BCAR3: variants seen among roughly 807,000 people sequenced by gnomAD.
BCAR3 encodes BCAR3 adaptor protein, NSP family member, also known as breast cancer anti-estrogen resistance protein 3.
A neutral mutation model predicts 80.1 loss-of-function variants in BCAR3; 37 were observed. The ratio of observed to expected loss-of-function variants is 0.46; its 90% CI spans 0.36 to 0.61. The LOEUF (loss-of-function observed/expected upper bound fraction) is 0.61, where lower values mean the gene tolerates loss of function less well. Among genes scored for constraint, BCAR3 ranks in the 20% least tolerant of loss-of-function variants. BCAR3 has a pLI of 0.00. For synonymous variants in BCAR3, 389 were observed against 418.9 expected, an observed-to-expected ratio of 0.93 and a Z score of 0.87; for missense variants, 978 against 1,068.2, an observed-to-expected ratio of 0.92 and a Z score of 1.18.
At chr1:93,567,174 C>T (rs902134442) in intron 11 of BCAR3, 105 bp downstream of exon 11, 10 of 1,360,900 alleles carry the variant, frequency 7.3e-6, no homozygotes, top group South Asian at 2.7e-5. Flanking sequence ...TTCTTTAATC[C>T]TTCCTTTTTG....
intron 3 of BCAR3, chr1:93,706,070 A>AG: frequency 6.6e-6 from 1 of 152,538 alleles, no homozygotes; most frequent in Non-Finnish European, 1.5e-5. Context: ...GCAGAGCAGC[A>AG]GGGGGCCAGG....
At chr1:93,765,643 C>T (rs1203298221) in intron 2 of BCAR3, among the ~76,000 whole-genome samples, 1 of 151,760 alleles carries the variant, frequency 6.6e-6, no homozygotes, top group African/African-American at 2.4e-5. Context: ...GTGGTAAGAA[C>T]ACTTAACATA....
chr1:93,731,677 T>TAAAATAAAAG (rs1650796816), intron 2 of BCAR3, among the ~76,000 whole-genome samples: 1 of 151,650 alleles, frequency 6.6e-6, no homozygotes, highest in African/African-American at 2.4e-5. Flanking sequence ...TAAAATAAAA[T>TAAAATAAAAG]AAAATAAAAT....
At position 93,629,567 on chromosome 1, in the gene BCAR3, A is replaced by T. The variant is rs115661065; in HGVS notation, c.357+12737T>A. On this transcript the variant is annotated intron_variant, in intron 3 of 11. Transcript: ENST00000260502. ...TTTCTGAAGTTGAATACAAGTCCTG[A>T]CATGCTATTACATTTAATATTAAAA... 3.3e-3 allele frequency among the ~76,000 whole-genome samples: 498 copies of T among 152,342 alleles called. 8 individuals are homozygous for T. Among genetic ancestry groups the T allele is most frequent in the African/African-American group, 0.012 (487 of 41,580 alleles).
At chr1:93,773,139 A>C (rs1408475056) in intron 2 of BCAR3, among the ~76,000 whole-genome samples, 2 of 152,214 alleles carry the variant, frequency 1.3e-5, no homozygotes, top group African/African-American at 4.8e-5. Flanking sequence ...CCCCAAAGGC[A>C]GGGAGAGAGG....
At chr1:93,816,461 A>C (rs905828819) in intron 2 of BCAR3, among the ~76,000 whole-genome samples, 3 of 152,028 alleles carry the variant, frequency 2.0e-5, no homozygotes, top group Non-Finnish European at 2.9e-5. Flanking sequence ...TCACGAGGTC[A>C]GGAGTTCGAG....
At position 93,630,080 on chromosome 1, in the gene BCAR3, C is replaced by T. The variant is rs923712598; in HGVS notation, c.357+12224G>A. Among the ~76,000 whole-genome samples the T allele has an allele frequency of 2.3e-4, 35 of 152,154 alleles. 1 individual carries two copies. The highest frequency in any genetic ancestry group is 8.0e-4 in the African/African-American group (33 of 41,428). On this transcript the variant is annotated intron_variant, in intron 3 of 11. Coordinates refer to ENST00000260502, the MANE Select transcript of BCAR3 (RefSeq NM_003567.4). ...CCAGTGTGTGTACATTTTAAAATAA[C>T]TGAAGAGTACAATTGGATTGTTTGT...
At chr1:93,754,244 C>T (rs181979468) in intron 2 of BCAR3, 3 of 152,260 alleles carry the variant, frequency 2.0e-5, no homozygotes, top group East Asian at 1.9e-4. Context: ...GTCAGCCTTC[C>T]GGGAAAACCA....
intron 2 of BCAR3, among the ~76,000 whole-genome samples, chr1:93,752,400 CATTGGAAATACTA>C (rs1651589545): frequency 6.6e-6 from 1 of 152,232 alleles, no homozygotes; most frequent in Non-Finnish European, 1.5e-5. Context: ...TCTACCTGGG[CATTGGAAATACTA>C]AGATGCATAA....
At chr1:93,636,558 A>AAC (rs1049597547) in intron 3 of BCAR3, among the ~76,000 whole-genome samples, 18 of 152,304 alleles carry the variant, frequency 1.2e-4, no homozygotes, top group Non-Finnish European at 2.5e-4. Context: ...ATTTGAAAAA[A>AAC]AAAAACAAAA....
chr1:93,751,742 C>A (rs976571529), intron 2 of BCAR3, among the ~76,000 whole-genome samples: 14 of 152,202 alleles, frequency 9.2e-5, no homozygotes, highest in Non-Finnish European at 7.3e-5. Flanking sequence ...GACAAATTAT[C>A]TAGAAGATTC....
chr1:93,673,024 C>T (rs576519678), intron 2 of BCAR3, among the ~76,000 whole-genome samples: 1 of 152,310 alleles, frequency 6.6e-6, no homozygotes, highest in East Asian at 1.9e-4. Context: ...CTGCACTTGA[C>T]TTCCCCATGC....
rs1675886952 is a variant in BCAR3, at chr1:93,638,862, A to T, written c.357+3442T>A. Among the ~76,000 whole-genome samples the T allele has an allele frequency of 2.0e-5, 3 of 152,338 alleles. No individual in the cohort carries two copies. In the South Asian group the frequency reaches 6.2e-4, roughly 32 times the overall value. On this transcript the variant is annotated intron_variant, in intron 3 of 11. Coordinates refer to ENST00000260502, the MANE Select transcript of BCAR3 (RefSeq NM_003567.4). ...ATGTTCTGAGCTACTGTGGGGGGAA[A>T]AAATTGTGAGGAGAGAAGGTTAGGA...
chr1:93,704,927 T>C (rs7543337), intron 3 of BCAR3, among the ~76,000 whole-genome samples: 10,809 of 152,268 alleles, frequency 0.071, 640 homozygotes, highest in African/African-American at 0.16. Context: ...CACACATTCC[T>C]AAGAGTTAGT....
chr1:93,802,786 C>T (rs1653528187), intron 2 of BCAR3, among the ~76,000 whole-genome samples: 1 of 152,210 alleles, frequency 6.6e-6, no homozygotes, highest in Admixed American at 6.5e-5. Context: ...GGCCCACCTT[C>T]TGAATGGAAG....
rs1674229182 is a variant in BCAR3, at chr1:93,592,118, T to C, written c.486+147A>G. On this transcript the variant is annotated intron_variant, in intron 4 of 11. Transcript: ENST00000260502. This position sits in a 1 kb window ranked among gnomAD's most constrained non-coding sequence, Gnocchi z 4.8. Reference sequence around the variant, plus strand: ...TTCCCAAGGTCTTCTTAGAGAAGGGTCTAAATGAAGTCATTTTTAGAGTAT... The same window carrying C: ...TTCCCAAGGTCTTCTTAGAGAAGGGCCTAAATGAAGTCATTTTTAGAGTAT... 1.7e-6 allele frequency: 2 copies of C among 1,158,702 alleles called. No individual in the cohort carries two copies. Among genetic ancestry groups the C allele is most frequent in the Admixed American group, 5.2e-5 (2 of 38,762 alleles). 71.8% of individuals were successfully genotyped at this position (1,158,702 alleles called of 1,614,324 possible).
chr1:93,593,728 AAAC>A (rs112457260), intron 3 of BCAR3, among the ~76,000 whole-genome samples: 100 of 151,226 alleles, frequency 6.6e-4, no homozygotes, highest in African/African-American at 1.8e-3. Flanking sequence ...CTTTTCCACC[AAAC>A]AACAACAACA....
Position 93,713,133 on chromosome 1 carries a change from C to T in BCAR3, c.-62-6991G>A, listed in dbSNP as rs6674769. On this transcript the variant is annotated intron_variant, in intron 2 of 13. Coordinates refer to the BCAR3 transcript ENST00000370244. ...TGTGGCTAGTATGACTGAGAAATTG[C>T]ATGTTCAATTTTATTTCATTGTAAT... is the stretch of plus-strand genomic sequence containing the variant. Among the ~76,000 whole-genome samples, 1,079 of 152,312 alleles carry T rather than the reference C, an allele frequency of 7.1e-3. 9 individuals are homozygous for T. Among genetic ancestry groups the T allele is most frequent in the African/African-American group, 0.025 (1,024 of 41,576 alleles).
At chr1:93,829,961 C>T (rs1654499007) in intron 2 of BCAR3, among the ~76,000 whole-genome samples, 1 of 152,144 alleles carries the variant, frequency 6.6e-6, no homozygotes, top group South Asian at 2.1e-4. Context: ...AGAGTTCTCA[C>T]AAGATCTGGT....
Sources: allele counts gnomAD v4.1 joint callset (sites outside exome capture counted in the v4.1 genomes callset), GRCh38; gene constraint gnomAD v4.1.1; non-coding constraint Gnocchi (gnomAD v3.1); transcripts MANE v1.5; gene names NCBI Gene and HGNC (gene_info 2026-07-23, HGNC 2026-07-21).